Variants in AXL observed in about 807,000 individuals in gnomAD.
AXL encodes tyrosine-protein kinase receptor UFO.
AXL carries 52 observed loss-of-function variants against 104.5 expected under a neutral mutation model. That is an observed-to-expected ratio of 0.50 (90% CI 0.40 to 0.63). The LOEUF (loss-of-function observed/expected upper bound fraction) is 0.63, where lower values mean the gene tolerates loss of function less well. AXL is among the 20% of genes least tolerant of loss of function. The pLI, the probability that AXL is intolerant of heterozygous loss-of-function variation, is 0.00. For synonymous variants in AXL, 455 were observed against 473.7 expected, an observed-to-expected ratio of 0.96 and a Z score of 0.51; for missense variants, 1,024 against 1,188.5, an observed-to-expected ratio of 0.86 and a Z score of 2.04.
Position 41,260,255 on chromosome 19 carries a change from CAA to C in AXL, c.*353_*354del, listed in dbSNP as rs1002282067. On this transcript the variant is annotated 3_prime_UTR_variant, in exon 20 of 20. Transcript: ENST00000301178. The stretch of plus-strand genomic sequence containing the variant: ...CTTTGGTTCTAAGGACCTGAAATTC[CAA>C]AGTCTCTAATTCTATTAAAGTGCTA... 4.7e-6 allele frequency: 1 copy of C among 213,738 alleles called. No homozygotes were observed. The highest frequency in any genetic ancestry group is 2.5e-5 in the African/African-American group (1 of 40,552). 13.2% of individuals were successfully genotyped at this position (213,738 alleles called of 1,614,324 possible). A position where few individuals can be genotyped will look rare whatever the true frequency, so the allele number is the denominator to read the frequency against.
intron 6 of AXL, among the ~76,000 whole-genome samples, chr19:41,236,990 T>A (rs976028764): frequency 1.3e-5 from 2 of 152,056 alleles, no homozygotes; most frequent in African/African-American, 4.8e-5. Flanking sequence ...GTTAGCGTAT[T>A]TTATGTGTGG....
chr19:41,224,595 G>T (rs903624316), intron 4 of AXL, among the ~76,000 whole-genome samples: 3 of 152,128 alleles, frequency 2.0e-5, no homozygotes, highest in African/African-American at 7.2e-5. Context: ...TGTTGCCCAG[G>T]CTGCTCTTGA....
At chr19:41,259,499 T>C in intron 19 of AXL, 54 bp from the exon 20 acceptor site, 1 of 1,464,542 alleles carries the variant, frequency 6.8e-7, no homozygotes. Flanking sequence ...GCTTCCAGAA[T>C]GCACCCCTTC....
intron 4 of AXL, among the ~76,000 whole-genome samples, chr19:41,223,152 AG>A (rs1244659376): frequency 2.1e-5 from 3 of 145,920 alleles, no homozygotes; most frequent in Non-Finnish European, 4.6e-5. Context: ...AAAATTAGCC[AG>A]GCGTGGTGAC....
chr19:41,250,664 A>T (rs902166460), intron 14 of AXL, among the ~76,000 whole-genome samples: 1 of 152,178 alleles, frequency 6.6e-6, no homozygotes, highest in African/African-American at 2.4e-5. Context: ...GATGGTCTCT[A>T]TCTCTTGACC....
chr19:41,238,719 T>C (rs1468764219), intron 8 of AXL, 110 bp downstream of exon 8: 1 of 1,399,366 alleles, frequency 7.1e-7, no homozygotes, highest in Non-Finnish European at 9.5e-7. Flanking sequence ...AATTGCTCTA[T>C]GCCTAGGGGG....
rs147769214 is a variant in AXL at position 41,257,607 on chromosome 19, C to A, written c.2311C>A (p.Pro771Thr). 47 of 1,614,190 alleles carry A rather than the reference C, an allele frequency of 2.9e-5. No homozygotes were observed. The highest frequency in any genetic ancestry group is 4.0e-5 in the African/African-American group (3 of 75,046). The change falls in exon 19 of 20, where the codon CCT becomes ACT. Residue 771 changes from proline to threonine, a missense_variant. Coordinates refer to ENST00000301178, the MANE Select transcript of AXL (RefSeq NM_021913.5). ...YLRQGNRLKQPADCLDGLYAL... is the reference protein window; with the variant it reads ...YLRQGNRLKQTADCLDGLYAL... ...GCGCCAGGGAAATCGCCTGAAGCAG[C>A]CTGCGGACTGTCTGGATGGACTGTG...
intron 4 of AXL, among the ~76,000 whole-genome samples, chr19:41,222,767 G>A (rs978044217): frequency 3.3e-5 from 5 of 152,084 alleles, no homozygotes; most frequent in Admixed American, 6.6e-5. Context: ...TTAGCCGGGC[G>A]TGGTGGCGGG....
Position 41,252,448 on chromosome 19 carries a change from G to A in AXL, c.1804+5G>A. 1 of 1,613,848 alleles carries A rather than the reference G, an allele frequency of 6.2e-7. No homozygotes were observed. The highest frequency in any genetic ancestry group is 8.5e-7 in the Non-Finnish European group (1 of 1,179,774). ...CCAACGTCATGAGGCTCATCGGTGA[G>A]AGAGGGGCAGATTCAAGGGGTCTAC... On this transcript the variant is annotated splice_donor_5th_base_variant and intron_variant, in intron 15 of 19. Transcript: ENST00000301178.
intron 6 of AXL, among the ~76,000 whole-genome samples, chr19:41,234,969 C>T (rs1420302216): frequency 3.3e-5 from 5 of 152,192 alleles, no homozygotes; most frequent in African/African-American, 1.2e-4. Flanking sequence ...CCCCTCCACT[C>T]TGAGTGTGCC....
intron 2 of AXL, 120 bp from the exon 3 acceptor site, chr19:41,221,026 G>C: frequency 8.7e-7 from 1 of 1,156,000 alleles, no homozygotes; most frequent in Non-Finnish European, 1.2e-6. Flanking sequence ...TTAATAATAG[G>C]ACATACTTCG....
intron 12 of AXL, among the ~76,000 whole-genome samples, chr19:41,246,324 G>A (rs2034269150): frequency 6.6e-6 from 1 of 151,880 alleles, no homozygotes; most frequent in Admixed American, 6.6e-5. Context: ...GTGCATGCCT[G>A]TAATCCTAGC....
Position 41,237,446 on chromosome 19 carries a change from G to A in AXL, c.784-498G>A, listed in dbSNP as rs1329444201. On this transcript the variant is annotated intron_variant, in intron 6 of 19. Transcript: ENST00000301178. ...TTTGGAAGAGATGGGGTTTCACCAC[G>A]TTGGCCAGGCTGGTCTTGAACTCCT... 3.3e-5 allele frequency among the ~76,000 whole-genome samples: 5 copies of A among 152,160 alleles called. No individual in the cohort carries two copies. In the East Asian group the frequency reaches 5.8e-4, roughly 18 times the overall value.
rs1568417812 is a variant in AXL, at chr19:41,252,932, T to C, written c.1891T>C (p.Phe631Leu). ...PFMKHGDLHS[F>L]LLYSRLGDQP... ...CATGAAACATGGAGACCTACACAGC[T>C]TCCTCCTCTATTCCCGGCTCGGGGA... The change falls in exon 16 of 20, where the codon TTC becomes CTC. Residue 631 changes from phenylalanine to leucine, a missense_variant. Phe to Leu is a conservative substitution (Grantham distance 22, BLOSUM62 0). This residue lies in a region of AXL where 523 missense variants were observed against 636.0 expected (regional missense o/e 0.82). Transcript: ENST00000301178. 2 of 1,614,160 alleles carry C rather than the reference T, an allele frequency of 1.2e-6. No individual in the cohort carries two copies. Among genetic ancestry groups the C allele is most frequent in the Non-Finnish European group, 1.7e-6 (2 of 1,180,018 alleles).
chr19:41,253,733 C>CTA, intron 17 of AXL, 25 bp downstream of exon 17: 1 of 1,537,784 alleles, frequency 6.5e-7, no homozygotes. Context: ...GGGACCCCCC[C>CTA]CCCCCAACTG....
Position 41,256,606 on chromosome 19 carries a change from G to A in AXL, c.2191G>A (p.Asp731Asn), listed in dbSNP as rs200253980. Reference protein sequence around the residue: ...LADRVYTSKSDVWSFGVTMWE... With the variant: ...LADRVYTSKSNVWSFGVTMWE... Reference sequence around the variant, plus strand: ...TGACCGTGTCTACACCAGCAAGAGCGATGTGGTAGGTGCACTCCCGCCAAG... The same window carrying A: ...TGACCGTGTCTACACCAGCAAGAGCAATGTGGTAGGTGCACTCCCGCCAAG... Residue 731 changes from aspartate to asparagine, a missense_variant, in exon 18 of 20, where the codon GAT becomes AAT. Transcript: ENST00000301178. The A allele has an allele frequency of 5.0e-6, 8 of 1,613,598 alleles. No individual in the cohort carries two copies. Among genetic ancestry groups the A allele is most frequent in the African/African-American group, 1.3e-5 (1 of 74,924 alleles).
At chr19:41,221,275 G>T in intron 3 of AXL, 29 bp downstream of exon 3, 1 of 1,596,904 alleles carries the variant, frequency 6.3e-7, no homozygotes, top group East Asian at 2.2e-5. Flanking sequence ...GGTCCTGAGG[G>T]GTCAGAGGAC....
At chr19:41,227,625 A>T (rs1242341634) in intron 4 of AXL, among the ~76,000 whole-genome samples, 1 of 151,738 alleles carries the variant, frequency 6.6e-6, no homozygotes, top group Non-Finnish European at 1.5e-5. Context: ...AGCTGGGATT[A>T]CAGGCACGCG....
chr19:41,247,191 A>G (rs1206239848), intron 12 of AXL, among the ~76,000 whole-genome samples: 2 of 152,212 alleles, frequency 1.3e-5, no homozygotes, highest in East Asian at 3.8e-4. Flanking sequence ...CCTGAGTGCT[A>G]GTTACACATT....
Sources: gnomAD v4.1 joint callset for allele counts (sites outside exome capture counted in the v4.1 genomes callset) on GRCh38, gnomAD v4.1.1 for gene constraint, gnomAD v4.1.1 regional missense constraint, MANE v1.5 for transcripts, NCBI Gene and HGNC (gene_info 2026-07-23, HGNC 2026-07-21) for gene names.